APAF1: variants seen among roughly 807,000 people sequenced by gnomAD.
The protein encoded by APAF1 is apoptotic peptidase activating factor 1, also known as apoptotic protease-activating factor 1.
Under a neutral mutation model 152.4 loss-of-function variants are expected in APAF1, and 91 were observed. The observed-to-expected ratio is 0.60, with a 90% CI of 0.50 to 0.71. The LOEUF (loss-of-function observed/expected upper bound fraction) is 0.71. APAF1 is among the 30% of genes least tolerant of loss of function. The pLI, the probability that APAF1 is intolerant of heterozygous loss-of-function variation, is 0.00. For synonymous variants in APAF1, 484 were observed against 494.1 expected, an observed-to-expected ratio of 0.98 and a Z score of 0.27; for missense variants, 1,283 against 1,472.0, an observed-to-expected ratio of 0.87 and a Z score of 2.10.
chr12:98,677,632 T>A, intron 13 of APAF1, 81 bp downstream of exon 13: 2 of 1,563,202 alleles, frequency 1.3e-6, no homozygotes, highest in Admixed American at 3.5e-5. Context: ...AATCCTAAAA[T>A]TCAAGAAAAT....
intron 17 of APAF1, among the ~76,000 whole-genome samples, chr12:98,700,444 T>C (rs1008534182): frequency 2.6e-5 from 4 of 152,238 alleles, no homozygotes; most frequent in Admixed American, 2.0e-4. Flanking sequence ...ATGATTGTTA[T>C]TGATTTAGTG....
intron 5 of APAF1, among the ~76,000 whole-genome samples, chr12:98,660,989 G>A (rs1247645715): frequency 1.3e-5 from 2 of 152,176 alleles, no homozygotes; most frequent in African/African-American, 2.4e-5. Flanking sequence ...CTGAAGCTCC[G>A]CTTCCTGGGT....
At chr12:98,724,147 G>A (rs2097746979) in intron 24 of APAF1, among the ~76,000 whole-genome samples, 1 of 152,152 alleles carries the variant, frequency 6.6e-6, no homozygotes, top group Non-Finnish European at 1.5e-5. Flanking sequence ...GCTGCTTGGT[G>A]GGGGACCTCA....
chr12:98,655,627 T>G (rs2097656326), intron 4 of APAF1, among the ~76,000 whole-genome samples: 1 of 152,212 alleles, frequency 6.6e-6, no homozygotes, highest in Non-Finnish European at 1.5e-5. Flanking sequence ...TTTATTTTTA[T>G]TTTTGAGACA....
intron 8 of APAF1, 145 bp from the exon 9 acceptor site, chr12:98,666,045 G>T: frequency 1.3e-6 from 1 of 795,382 alleles, no homozygotes; most frequent in Non-Finnish European, 2.1e-6. Flanking sequence ...TCTATCTTGA[G>T]GAGTAGCTGA....
In APAF1 at chr12:98,671,556, T is replaced by A. The variant is rs372400613; in HGVS notation, c.1630T>A (p.Phe544Ile). The part of the protein sequence containing the change: ...DEKDCAVSEN[F>I]QEFLSLNGHL... ...GTAGGATTGTGCAGTCAGTGAGAAT[T>A]TTCAGGAGTTTTTATCTTTAAATGG... The change falls in exon 12 of 27, where the codon TTT becomes ATT. Residue 544 changes from phenylalanine (F) to isoleucine (I), a missense_variant. Physicochemically the swap from Phe to Ile is conservative, Grantham distance 21 (BLOSUM62 0). Coordinates refer to ENST00000551964, the MANE Select transcript of APAF1 (RefSeq NM_181861.2). The A allele has an allele frequency of 3.1e-6, 5 of 1,613,976 alleles. No individual in the cohort carries two copies. Among genetic ancestry groups the A allele is most frequent in the Non-Finnish European group, 4.2e-6 (5 of 1,179,992 alleles).
chr12:98,677,376 C>A, intron 12 of APAF1, 49 bp from the exon 13 acceptor site: 3 of 1,588,444 alleles, frequency 1.9e-6, no homozygotes, highest in Non-Finnish European at 2.6e-6. Flanking sequence ...AAAATAGTTA[C>A]TTTTACTCTC....
In APAF1 at chr12:98,735,241, A is replaced by AT. The variant is rs3834481; in HGVS notation, c.*2682dup. The AT allele has an allele frequency of 0.031, 12,313 of 398,926 alleles. 220 individuals carry two copies. Among genetic ancestry groups the AT allele is most frequent in the Middle Eastern group, 0.057 (90 of 1,588 alleles). The allele number at this position is 398,926 out of a possible 1,614,324, so 24.7% of individuals were successfully genotyped here. ...TTTCTAAAGCATTTTCCCTTGCTGT[A>AT]TTTTTTTGTATTATAAATTACATTG... On this transcript the variant is annotated 3_prime_UTR_variant, in exon 27 of 27. Transcript: ENST00000551964.
In APAF1 at chr12:98,648,688, C is replaced by G. The variant is rs774964306; in HGVS notation, c.201C>G (p.Ser67=). Residue 67 remains serine (S), a synonymous_variant, in exon 3 of 27, where the codon TCC becomes TCG. Transcript: ENST00000551964. The part of the protein sequence containing the change: ...IKMILKKDND[S]YVSFYNALLH... ...TGATACTTAAAAAAGATAATGATTC[C>G]TACGTATCATTCTACAATGCTCTAC... The G allele has an allele frequency of 3.5e-5, 56 of 1,613,118 alleles. No homozygotes were observed. The East Asian group carries it at 1.2e-3, about 36-fold the overall frequency.
chr12:98,719,281 T>A (rs1465667466), intron 22 of APAF1, among the ~76,000 whole-genome samples: 1 of 152,194 alleles, frequency 6.6e-6, no homozygotes, highest in Non-Finnish European at 1.5e-5. Flanking sequence ...CTCCTTTGGG[T>A]ATACTTAGTG....
intron 15 of APAF1, 130 bp downstream of exon 15, chr12:98,683,404 G>A (rs2097694578): frequency 1.1e-6 from 1 of 942,800 alleles, no homozygotes; most frequent in Non-Finnish European, 1.6e-6. Context: ...TAATATATTA[G>A]CTGAAGCAAA....
intron 5 of APAF1, among the ~76,000 whole-genome samples, chr12:98,660,350 A>T (rs1483686939): frequency 6.9e-6 from 1 of 144,828 alleles, no homozygotes; most frequent in Non-Finnish European, 1.5e-5. Context: ...TGTTTCAATT[A>T]AAAAAAAAAA....
rs1025480984 is a variant in APAF1, at chr12:98,677,296, C to T, written c.1794-129C>T. ...GTGCTGTCATTTGCATGTTAGTAAT[C>T]TGATTTTAAGAATTTTGTATTTTGG... On this transcript the variant is annotated intron_variant, in intron 12 of 26. Coordinates refer to ENST00000551964, the MANE Select transcript of APAF1 (RefSeq NM_181861.2). The T allele has an allele frequency of 1.4e-5, 13 of 939,280 alleles. 1 individual carries two copies. In the South Asian group the frequency reaches 2.0e-4, roughly 14 times the overall value. The allele number at this position is 939,280 out of a possible 1,614,324, so 58.2% of individuals were successfully genotyped here.
At chr12:98,670,018 C>A (rs958749275) in intron 10 of APAF1, among the ~76,000 whole-genome samples, 2 of 151,852 alleles carry the variant, frequency 1.3e-5, no homozygotes, top group African/African-American at 2.4e-5. Flanking sequence ...CAGCTGAAAT[C>A]ACTGCAACCG....
intron 20 of APAF1, 148 bp from the exon 21 acceptor site, chr12:98,712,171 A>G: frequency 1.5e-6 from 1 of 673,764 alleles, no homozygotes; most frequent in Non-Finnish European, 2.7e-6. Context: ...GCAGCTGCTA[A>G]GACTAGGATA....
chr12:98,707,908 G>A (rs916071619), intron 19 of APAF1, among the ~76,000 whole-genome samples: 4 of 152,132 alleles, frequency 2.6e-5, no homozygotes, highest in Non-Finnish European at 5.9e-5. Flanking sequence ...CACAGTTACA[G>A]TGTGTTTAGT....
At chr12:98,668,487 A>C (rs2097676178) in intron 10 of APAF1, among the ~76,000 whole-genome samples, 1 of 152,218 alleles carries the variant, frequency 6.6e-6, no homozygotes, top group South Asian at 2.1e-4. Context: ...TCACGAGTTT[A>C]TGTTCTGGGA....
At chr12:98,647,329 G>A (rs1186600172) in intron 1 of APAF1, among the ~76,000 whole-genome samples, 3 of 150,180 alleles carry the variant, frequency 2.0e-5, no homozygotes, top group East Asian at 1.9e-4. Flanking sequence ...CAAACATTTC[G>A]ATGAATAAAC....
intron 21 of APAF1, among the ~76,000 whole-genome samples, chr12:98,713,898 T>C (rs1305097995): frequency 6.6e-6 from 1 of 152,208 alleles, no homozygotes; most frequent in Admixed American, 6.5e-5. Context: ...CTCAATACTC[T>C]TATATATTTG....
Sources: gnomAD v4.1 joint callset for allele counts (sites outside exome capture counted in the v4.1 genomes callset) on GRCh38, gnomAD v4.1.1 for gene constraint, MANE v1.5 for transcripts, NCBI Gene and HGNC (gene_info 2026-07-23, HGNC 2026-07-21) for gene names.